Variants in EPHA6 observed in about 807,000 individuals in gnomAD.
EPHA6 encodes EPH receptor A6, also known as ephrin type-A receptor 6.
Under a neutral mutation model 112.0 loss-of-function variants are expected in EPHA6, and 50 were observed. That is an observed-to-expected ratio of 0.45 (90% CI 0.36 to 0.56). EPHA6 has a LOEUF of 0.56. Ranked by LOEUF, EPHA6 falls within the 20% of genes least tolerant of loss-of-function variation. EPHA6 has a pLI of 0.00. For missense variants in EPHA6, 1,280 were observed against 1,417.4 expected, an observed-to-expected ratio of 0.90 and a Z score of 1.56; for synonymous variants, 529 against 490.7, an observed-to-expected ratio of 1.08 and a Z score of -1.03.
chr3:97,539,168 G>A lies in EPHA6; in HGVS notation c.2386+6625G>A, dbSNP rs376054393. ...TTTCTTCTTTCTTTTTTTTTTTTGA[G>A]ACACAGCCTCCCTCTGTTGCCTAGG... On this transcript the variant is annotated intron_variant, in intron 11 of 17. Coordinates refer to ENST00000389672, the MANE Select transcript of EPHA6 (RefSeq NM_001080448.3). 2.3e-4 allele frequency among the ~76,000 whole-genome samples: 26 copies of A among 113,414 alleles called. No homozygotes were observed. In the East Asian group the frequency reaches 4.1e-3, roughly 18 times the overall value. 74.4% of individuals were successfully genotyped at this position (113,414 alleles called of 152,430 possible). A position where few individuals can be genotyped will look rare whatever the true frequency, so the allele number is the denominator to read the frequency against.
intron 5 of EPHA6, among the ~76,000 whole-genome samples, chr3:97,265,648 C>A (rs1384982957): frequency 6.6e-6 from 1 of 152,174 alleles, no homozygotes; most frequent in East Asian, 1.9e-4. Context: ...AAGCCCGGGT[C>A]CTCTGCCTGG....
At chr3:97,617,103 C>T (rs1351699359) in intron 13 of EPHA6, among the ~76,000 whole-genome samples, 2 of 152,060 alleles carry the variant, frequency 1.3e-5, no homozygotes, top group Non-Finnish European at 2.9e-5. Context: ...ACCTTATAAG[C>T]CACAAGACAT....
At chr3:97,326,338 G>A (rs983833865) in intron 5 of EPHA6, among the ~76,000 whole-genome samples, 11 of 151,820 alleles carry the variant, frequency 7.2e-5, no homozygotes, top group African/African-American at 2.4e-4. Flanking sequence ...TAGTAGAGTA[G>A]TTTAGCTTTG....
chr3:97,276,962 G>A (rs561668212), intron 5 of EPHA6, among the ~76,000 whole-genome samples: 32 of 152,108 alleles, frequency 2.1e-4, no homozygotes, highest in East Asian at 3.9e-4. Flanking sequence ...GAGGAGGGGC[G>A]GTGATAAAAA....
At chr3:97,717,521 G>A (rs1331524131) in intron 14 of EPHA6, among the ~76,000 whole-genome samples, 1 of 152,106 alleles carries the variant, frequency 6.6e-6, no homozygotes, top group African/African-American at 2.4e-5. Flanking sequence ...TTCTTCTTGA[G>A]GATGGCCTCA....
Position 97,542,173 on chromosome 3 carries a change from T to G in EPHA6, c.2386+9630T>G, listed in dbSNP as rs567764166. 1.5e-4 allele frequency among the ~76,000 whole-genome samples: 23 copies of G among 152,010 alleles called. No homozygotes were observed. In the South Asian group the frequency reaches 4.6e-3, roughly 30 times the overall value. ...TTGTTACATACGTATACATGTGCCA[T>G]GTTGGTGTGCTGCACCCATTAACTC... On this transcript the variant is annotated intron_variant, in intron 11 of 17. Coordinates refer to ENST00000389672, the MANE Select transcript of EPHA6 (RefSeq NM_001080448.3).
At chr3:97,313,602 T>C (rs1576923686) in intron 5 of EPHA6, among the ~76,000 whole-genome samples, 1 of 151,790 alleles carries the variant, frequency 6.6e-6, no homozygotes, top group East Asian at 1.9e-4. Flanking sequence ...TGATATCTCT[T>C]TGTGACTTTA....
At chr3:97,333,099 AG>A (rs2108829906) in intron 5 of EPHA6, among the ~76,000 whole-genome samples, 1 of 152,228 alleles carries the variant, frequency 6.6e-6, no homozygotes, top group East Asian at 1.9e-4. Context: ...GTTTATGAAC[AG>A]AGTATATTTC....
At chr3:96,849,512 A>C (rs2035266786) in intron 1 of EPHA6, among the ~76,000 whole-genome samples, 1 of 152,104 alleles carries the variant, frequency 6.6e-6, no homozygotes, top group Non-Finnish European at 1.5e-5. Context: ...GCTTGGTAGA[A>C]TCCTTCAGTG....
At chr3:97,510,576 G>A (rs1292854107) in intron 10 of EPHA6, among the ~76,000 whole-genome samples, 2 of 152,114 alleles carry the variant, frequency 1.3e-5, no homozygotes, top group Non-Finnish European at 2.9e-5. Flanking sequence ...TCCCAGAGGG[G>A]CACCCACCAG....
At chr3:97,152,389 A>G (rs1474470823) in intron 3 of EPHA6, among the ~76,000 whole-genome samples, 4 of 150,646 alleles carry the variant, frequency 2.7e-5, no homozygotes, top group African/African-American at 7.3e-5. Context: ...AAAGTTGATG[A>G]CAGTAAAACC....
At chr3:96,853,192 G>T (rs1340431647) in intron 1 of EPHA6, among the ~76,000 whole-genome samples, 1 of 151,692 alleles carries the variant, frequency 6.6e-6, no homozygotes, top group Non-Finnish European at 1.5e-5. Flanking sequence ...AGGTGTAAAG[G>T]TTTTTCAATA....
chr3:97,261,707 G>T (rs1450916385), intron 5 of EPHA6, among the ~76,000 whole-genome samples: 1 of 152,162 alleles, frequency 6.6e-6, no homozygotes, highest in Non-Finnish European at 1.5e-5. Flanking sequence ...TTTAAAGAAA[G>T]ATGTGGTGCA....
intron 7 of EPHA6, among the ~76,000 whole-genome samples, chr3:97,449,283 G>A (rs1368192689): frequency 6.6e-6 from 1 of 152,008 alleles, no homozygotes; most frequent in Non-Finnish European, 1.5e-5. Context: ...CATCAGCTTT[G>A]AGGTCTTTTA....
At chr3:97,320,123 C>G (rs780281929) in intron 5 of EPHA6, among the ~76,000 whole-genome samples, 2 of 152,042 alleles carry the variant, frequency 1.3e-5, no homozygotes, top group Non-Finnish European at 1.5e-5. Context: ...TAACCACACA[C>G]TGTCAGTATC....
In EPHA6 at chr3:97,760,335, GATAT is replaced by G. The variant is rs777338477; in HGVS notation, c.*11647_*11650del. The G allele has an allele frequency of 8.9e-5, 14 of 156,928 alleles. No homozygotes were observed. Among genetic ancestry groups the G allele is most frequent in the Non-Finnish European group, 8.2e-5 (6 of 73,578 alleles). The allele number at this position is 156,928 out of a possible 1,614,324, so 9.7% of individuals were successfully genotyped here. A position where few individuals can be genotyped will look rare whatever the true frequency, so the allele number is the denominator to read the frequency against. On this transcript the variant is annotated 3_prime_UTR_variant, in exon 18 of 18. Coordinates refer to ENST00000389672, the MANE Select transcript of EPHA6 (RefSeq NM_001080448.3). ...TTGTGCTTGGTGCTTTGTTTCTGGA[GATAT>G]ATATATATATATTATATATATGTAT... is the stretch of plus-strand genomic sequence containing the variant.
intron 3 of EPHA6, among the ~76,000 whole-genome samples, chr3:97,159,937 A>G (rs13097962): frequency 6.6e-6 from 1 of 152,172 alleles, no homozygotes; most frequent in Non-Finnish European, 1.5e-5. Context: ...AAGTGATTCA[A>G]TGTAATCAAC....
intron 12 of EPHA6, among the ~76,000 whole-genome samples, chr3:97,596,144 A>G (rs1228737331): frequency 6.6e-6 from 1 of 151,708 alleles, no homozygotes; most frequent in Non-Finnish European, 1.5e-5. Flanking sequence ...TGACCTCATG[A>G]TCCGCCCGCC....
At chr3:97,379,070 G>C (rs1401228684) in intron 5 of EPHA6, among the ~76,000 whole-genome samples, 1 of 152,128 alleles carries the variant, frequency 6.6e-6, no homozygotes, top group African/African-American at 2.4e-5. Flanking sequence ...TCCCATAATT[G>C]CCACATATTG....
Sources: allele counts gnomAD v4.1 joint callset (sites outside exome capture counted in the v4.1 genomes callset), GRCh38; gene constraint gnomAD v4.1.1; transcripts MANE v1.5; gene names NCBI Gene and HGNC (gene_info 2026-07-23, HGNC 2026-07-21).